The following MCF2L2 variants were observed in gnomAD, a reference collection of about 807,000 sequenced individuals.
MCF2L2 encodes the protein MCF.2 cell line derived transforming sequence-like 2.
A neutral mutation model predicts 150.2 loss-of-function variants in MCF2L2; 102 were observed. The observed-to-expected ratio is 0.68, with a 90% CI of 0.58 to 0.80. The LOEUF (loss-of-function observed/expected upper bound fraction) is 0.80. MCF2L2 is among the 30% of genes least tolerant of loss of function. The pLI is 0.00. For synonymous variants in MCF2L2, 465 were observed against 491.3 expected, an observed-to-expected ratio of 0.95 and a Z score of 0.71; for missense variants, 1,256 against 1,372.8, an observed-to-expected ratio of 0.91 and a Z score of 1.34.
chr3:183,211,711 C>T (rs79334070), intron 22 of MCF2L2, among the ~76,000 whole-genome samples: 99 of 152,322 alleles, frequency 6.5e-4, no homozygotes, highest in African/African-American at 2.3e-3. Flanking sequence ...CTTTCAGATA[C>T]GTGTTCACCA....
intron 13 of MCF2L2, among the ~76,000 whole-genome samples, chr3:183,290,541 CTT>C (rs1409979114): frequency 6.8e-6 from 1 of 146,036 alleles, no homozygotes; most frequent in Non-Finnish European, 1.5e-5. Flanking sequence ...TTCTTTCTTT[CTT>C]TTTTTTTTTG....
At chr3:183,229,224 C>T (rs188370432) in intron 17 of MCF2L2, among the ~76,000 whole-genome samples, 1 of 152,286 alleles carries the variant, frequency 6.6e-6, no homozygotes, top group East Asian at 1.9e-4. Context: ...ATCCAAGCAG[C>T]CCCGAGTTAA....
chr3:183,421,588 T>C (rs1203833236), intron 1 of MCF2L2, among the ~76,000 whole-genome samples: 20 of 152,202 alleles, frequency 1.3e-4, no homozygotes, highest in Admixed American at 1.3e-3. Flanking sequence ...CTGGCCCCTT[T>C]GAACATATTT....
At chr3:183,317,604 T>C (rs1729652054) in intron 7 of MCF2L2, among the ~76,000 whole-genome samples, 1 of 152,108 alleles carries the variant, frequency 6.6e-6, no homozygotes, top group Non-Finnish European at 1.5e-5. Flanking sequence ...AAGCAATAAG[T>C]CCGCTTATTA....
rs145136284 is a variant in MCF2L2 at position 183,199,941 on chromosome 3, C to G, written c.2885-4686G>C. ...GGTTTCCAGCTTCACCATGTCCCTA[C>G]AAAGGACATGAACTCATTGTTTTTT... On this transcript the variant is annotated intron_variant, in intron 25 of 29. Transcript: ENST00000328913. Among the ~76,000 whole-genome samples the G allele has an allele frequency of 6.8e-3, 1,040 of 152,260 alleles. 13 individuals carry two copies. Among genetic ancestry groups the G allele is most frequent in the African/African-American group, 0.023 (957 of 41,536 alleles).
intron 1 of MCF2L2, among the ~76,000 whole-genome samples, chr3:183,407,119 T>C: frequency 6.6e-6 from 1 of 152,196 alleles, no homozygotes; most frequent in Non-Finnish European, 1.5e-5. Flanking sequence ...TGCCACTACA[T>C]CATACTCCAC....
intron 1 of MCF2L2, among the ~76,000 whole-genome samples, chr3:183,401,989 T>C (rs1714779499): frequency 1.3e-5 from 2 of 152,208 alleles, no homozygotes; most frequent in Admixed American, 6.5e-5. Context: ...ATTTAACTTA[T>C]AAGAAACTGT....
At chr3:183,335,178 G>A (rs1320334872) in intron 5 of MCF2L2, among the ~76,000 whole-genome samples, 1 of 151,292 alleles carries the variant, frequency 6.6e-6, no homozygotes, top group Non-Finnish European at 1.5e-5. Flanking sequence ...TTAGATTAAA[G>A]AAAACTAATG....
chr3:183,218,373 C>T (rs1445896437), intron 21 of MCF2L2, among the ~76,000 whole-genome samples: 3 of 152,176 alleles, frequency 2.0e-5, no homozygotes, highest in South Asian at 4.1e-4. Context: ...CAGTGGCTCA[C>T]GCCTGTAATC....
intron 7 of MCF2L2, among the ~76,000 whole-genome samples, chr3:183,317,757 C>A (rs1729657872): frequency 6.6e-6 from 1 of 152,154 alleles, no homozygotes; most frequent in Non-Finnish European, 1.5e-5. Flanking sequence ...TGCTCACATG[C>A]CTCAGCTCAC....
chr3:183,369,292 T>C (rs1335728651), intron 3 of MCF2L2, among the ~76,000 whole-genome samples: 1 of 152,098 alleles, frequency 6.6e-6, no homozygotes, highest in Non-Finnish European at 1.5e-5. Flanking sequence ...TTCAAAAGAC[T>C]CTACCACTGA....
At position 183,270,254 on chromosome 3, in the gene MCF2L2, G is replaced by A; in HGVS notation, c.1862+6618C>T. ...GAAAACTGGCTTGGGAAGATCAAAG[G>A]TACAATGATATAATTCAGCAAGACT... is the stretch of plus-strand genomic sequence containing the variant. On this transcript the variant is annotated intron_variant, in intron 15 of 29. Coordinates refer to ENST00000328913, the MANE Select transcript of MCF2L2 (RefSeq NM_015078.4). The surrounding 1 kb of genome is among the most constrained non-coding windows in gnomAD (Gnocchi z 4.5). The A allele has an allele frequency of 3.1e-6, 5 of 1,614,056 alleles. No individual in the cohort carries two copies. The highest frequency in any genetic ancestry group is 1.1e-5 in the South Asian group (1 of 91,078).
At chr3:183,326,179 T>G (rs1166073747) in intron 5 of MCF2L2, among the ~76,000 whole-genome samples, 1 of 152,088 alleles carries the variant, frequency 6.6e-6, no homozygotes, top group Non-Finnish European at 1.5e-5. Context: ...ATACGATCAA[T>G]TGATTTTTTA....
chr3:183,356,847 A>G (rs1237269497), intron 3 of MCF2L2, among the ~76,000 whole-genome samples: 1 of 152,204 alleles, frequency 6.6e-6, no homozygotes, highest in Admixed American at 6.5e-5. Flanking sequence ...AAAAGTTTAT[A>G]TTTTTTCTAG....
chr3:183,314,037 T>C (rs1043939397), intron 7 of MCF2L2, among the ~76,000 whole-genome samples: 1 of 152,180 alleles, frequency 6.6e-6, no homozygotes, highest in African/African-American at 2.4e-5. Flanking sequence ...GTCTCACTCA[T>C]CAGGAGCTGA....
intron 27 of MCF2L2, among the ~76,000 whole-genome samples, chr3:183,189,994 C>T (rs1378356447): frequency 6.6e-6 from 1 of 152,206 alleles, no homozygotes; most frequent in Non-Finnish European, 1.5e-5. Flanking sequence ...GCCCAGTCTG[C>T]CTCTGCTGTA....
chr3:183,271,068 T>A, intron 15 of MCF2L2: 2 of 805,816 alleles, frequency 2.5e-6, no homozygotes, highest in South Asian at 5.0e-5. Flanking sequence ...TCCATCAGAA[T>A]GTTTCTTTGA....
intron 1 of MCF2L2, among the ~76,000 whole-genome samples, chr3:183,415,321 G>T (rs1019797161): frequency 6.6e-6 from 1 of 151,974 alleles, no homozygotes; most frequent in Non-Finnish European, 1.5e-5. Flanking sequence ...CAAGTAGGTG[G>T]GATTACAGGT....
intron 3 of MCF2L2, among the ~76,000 whole-genome samples, chr3:183,370,285 G>C (rs776510313): frequency 1.3e-5 from 2 of 151,976 alleles, no homozygotes; most frequent in African/African-American, 4.8e-5. Flanking sequence ...CTACACTGTC[G>C]TGTGGAACCA....
Sources: allele counts gnomAD v4.1 joint callset (sites outside exome capture counted in the v4.1 genomes callset), GRCh38; gene constraint gnomAD v4.1.1; non-coding constraint Gnocchi (gnomAD v3.1); transcripts MANE v1.5; gene names NCBI Gene and HGNC (gene_info 2026-07-23, HGNC 2026-07-21).